Variants in GPR89A observed in about 807,000 individuals in gnomAD.
GPR89A encodes golgi pH regulator A.
A neutral mutation model predicts 52.0 loss-of-function variants in GPR89A; 16 were observed. That is an observed-to-expected ratio of 0.31 (90% CI 0.21 to 0.47). The LOEUF is 0.47. Among genes scored for constraint, GPR89A ranks in the 20% least tolerant of loss-of-function variants. GPR89A has a pLI of 1.00. For missense variants in GPR89A, 135 were observed against 449.4 expected, an observed-to-expected ratio of 0.30 and a Z score of 6.33; for synonymous variants, 55 against 150.9, an observed-to-expected ratio of 0.36 and a Z score of 4.66.
chr1:145,615,943 A>G (rs1380908239), intron 1 of GPR89A, among the ~76,000 whole-genome samples: 15 of 151,270 alleles, frequency 9.9e-5, no homozygotes, highest in African/African-American at 3.2e-4. Context: ...CTATTTGCAA[A>G]CTTCTCTGGC....
intron 8 of GPR89A, 92 bp from the exon 9 acceptor site, chr1:145,646,092 T>G (rs1650969724): frequency 6.3e-7 from 1 of 1,593,808 alleles, no homozygotes; most frequent in Non-Finnish European, 8.6e-7. Context: ...ACTCCGGGAA[T>G]CCACTGTAGG....
At chr1:145,615,541 G>A (rs1282534959) in intron 1 of GPR89A, among the ~76,000 whole-genome samples, 6 of 150,092 alleles carry the variant, frequency 4.0e-5, no homozygotes, top group Non-Finnish European at 5.9e-5. Flanking sequence ...TTGTAGAGAC[G>A]GGTTTTCACC....
At chr1:145,636,923 CTG>C (rs1650281028) in intron 7 of GPR89A, among the ~76,000 whole-genome samples, 1 of 152,066 alleles carries the variant, frequency 6.6e-6, no homozygotes, top group South Asian at 2.1e-4. Context: ...AGCTGAGTAA[CTG>C]AACATTTAAA....
intron 7 of GPR89A, among the ~76,000 whole-genome samples, chr1:145,632,149 A>T (rs1553689958): frequency 6.6e-6 from 1 of 151,944 alleles, no homozygotes. Flanking sequence ...TTGTAAATTG[A>T]CAAATTATGG....
chr1:145,611,281 C>T lies in GPR89A; in HGVS notation c.42+3106C>T, dbSNP rs587732824. 4.0e-5 allele frequency among the ~76,000 whole-genome samples: 6 copies of T among 151,194 alleles called. No homozygotes were observed. In the South Asian group the frequency reaches 1.0e-3, roughly 26 times the overall value. Reference sequence around the variant, plus strand: ...GCTCAGGTTTGGGGTACAAATGATCCGGTCACCCAGGTACTGAGCATAGTA... The same window carrying T: ...GCTCAGGTTTGGGGTACAAATGATCTGGTCACCCAGGTACTGAGCATAGTA... On this transcript the variant is annotated intron_variant, in intron 1 of 13. Coordinates refer to ENST00000313835, the MANE Select transcript of GPR89A (RefSeq NM_001097612.2).
intron 10 of GPR89A, among the ~76,000 whole-genome samples, chr1:145,649,811 A>G (rs1651323914): frequency 6.6e-6 from 1 of 151,484 alleles, no homozygotes. Context: ...CCAACACTCT[A>G]TATGGCCAGT....
chr1:145,610,292 C>T (rs587772499), intron 1 of GPR89A, among the ~76,000 whole-genome samples: 2 of 151,682 alleles, frequency 1.3e-5, no homozygotes, highest in Non-Finnish European at 3.0e-5. Flanking sequence ...GTCACGTATT[C>T]AATCTTGCTC....
intron 3 of GPR89A, among the ~76,000 whole-genome samples, chr1:145,619,228 CAG>C (rs1648930357): frequency 6.7e-6 from 1 of 149,388 alleles, no homozygotes. Flanking sequence ...CTTTGATAAT[CAG>C]AGTTGAAAAC....
chr1:145,665,032 C>T (rs1355442604), intron 11 of GPR89A, among the ~76,000 whole-genome samples: 4 of 151,066 alleles, frequency 2.6e-5, no homozygotes, highest in African/African-American at 7.3e-5. Flanking sequence ...AAGAAAGATT[C>T]CTTGAAGTTT....
chr1:145,625,182 C>G (rs1375688493), intron 5 of GPR89A, among the ~76,000 whole-genome samples: 5 of 151,712 alleles, frequency 3.3e-5, no homozygotes. Flanking sequence ...ATAAGAATAA[C>G]TTTCAAAATT....
Position 145,623,126 on chromosome 1 carries a change from C to T in GPR89A, c.279C>T (p.Tyr93=). Reference sequence around the variant, plus strand: ...TCCTGGTTTTCATGGTGCCTTTTTACATTGGCTATTTTATTGTGAGCAATA... The same window carrying T: ...TCCTGGTTTTCATGGTGCCTTTTTATATTGGCTATTTTATTGTGAGCAATA... The part of the protein sequence containing the change: ...LLILVFMVPF[Y]IGYFIVSNIR... The change falls in exon 4 of 14, where the codon TAC becomes TAT. Residue 93 remains tyrosine (Y), a synonymous_variant. Transcript: ENST00000313835. The T allele has an allele frequency of 1.2e-6, 2 of 1,612,874 alleles. No homozygotes were observed. Among genetic ancestry groups the T allele is most frequent in the Non-Finnish European group, 1.7e-6 (2 of 1,179,346 alleles).
At chr1:145,654,936 A>G (rs1274004175) in intron 10 of GPR89A, among the ~76,000 whole-genome samples, 4 of 151,112 alleles carry the variant, frequency 2.6e-5, no homozygotes, top group Non-Finnish European at 5.9e-5. Flanking sequence ...TACCTGAATC[A>G]GCCGTAGGTT....
chr1:145,625,087 A>G (rs1649399936), intron 5 of GPR89A, among the ~76,000 whole-genome samples: 1 of 148,272 alleles, frequency 6.7e-6, no homozygotes, highest in Non-Finnish European at 1.5e-5. Flanking sequence ...GAGAGAGGTT[A>G]TGAGACTCTC....
chr1:145,636,173 G>A (rs1427667666), intron 7 of GPR89A, among the ~76,000 whole-genome samples: 3 of 152,202 alleles, frequency 2.0e-5, no homozygotes, highest in Non-Finnish European at 2.9e-5. Flanking sequence ...GCCTCCCAAC[G>A]TGACCCCGTT....
At chr1:145,650,028 T>G (rs1490664185) in intron 10 of GPR89A, among the ~76,000 whole-genome samples, 1 of 150,108 alleles carries the variant, frequency 6.7e-6, no homozygotes, top group East Asian at 2.0e-4. Flanking sequence ...GATGTGCAAG[T>G]TTGTTACATA....
At position 145,634,081 on chromosome 1, in the gene GPR89A, G is replaced by GATT. The variant is rs142006362; in HGVS notation, c.617+2337_617+2338insATT. The stretch of plus-strand genomic sequence containing the variant: ...CAAAGAATGGAATATTGTCTATTGT[G>GATT]TTTTTTTTTTTTTTTTAAGACGGAG... On this transcript the variant is annotated intron_variant, in intron 7 of 13. Coordinates refer to ENST00000313835, the MANE Select transcript of GPR89A (RefSeq NM_001097612.2). Among the ~76,000 whole-genome samples, 120 of 146,244 alleles carry GATT rather than the reference G, an allele frequency of 8.2e-4. 3 individuals are homozygous for GATT. Among genetic ancestry groups the GATT allele is most frequent in the East Asian group, 1.4e-3 (7 of 5,036 alleles).
intron 2 of GPR89A, among the ~76,000 whole-genome samples, chr1:145,616,563 G>A (rs1360457091): frequency 7.2e-5 from 11 of 152,000 alleles, no homozygotes; most frequent in African/African-American, 2.7e-4. Context: ...TTATTCTGTA[G>A]GAGAGAATTT....
rs35221963 is a variant in GPR89A at position 145,611,191 on chromosome 1, C to CTT, written c.42+3028_42+3029dup. 1.1e-3 allele frequency among the ~76,000 whole-genome samples: 156 copies of CTT among 138,422 alleles called. 1 individual carries two copies. The highest frequency in any genetic ancestry group is 3.6e-3 in the Admixed American group (51 of 13,980). 90.8% of individuals were successfully genotyped at this position (138,422 alleles called of 152,430 possible). A position where few individuals can be genotyped will look rare whatever the true frequency, so the allele number is the denominator to read the frequency against. ...GTGTGTGTGTGTGTGTAGTTTAAGT[C>CTT]TTTTTTTTTTTTTCAACTTTTATTT... On this transcript the variant is annotated intron_variant, in intron 1 of 13. Coordinates refer to ENST00000313835, the MANE Select transcript of GPR89A (RefSeq NM_001097612.2).
At chr1:145,641,257 T>C (rs1422852055) in intron 7 of GPR89A, among the ~76,000 whole-genome samples, 14 of 151,510 alleles carry the variant, frequency 9.2e-5, no homozygotes, top group Non-Finnish European at 5.9e-5. Context: ...CCAAAGAATA[T>C]ATACCGTATG....
Sources: gnomAD v4.1 joint callset for allele counts (sites outside exome capture counted in the v4.1 genomes callset) on GRCh38, gnomAD v4.1.1 for gene constraint, MANE v1.5 for transcripts, NCBI Gene and HGNC (gene_info 2026-07-23, HGNC 2026-07-21) for gene names.